The following PAK3 variants were observed in gnomAD, a reference collection of about 807,000 sequenced individuals.
PAK3 encodes the protein p21 (RAC1) activated kinase 3.
A neutral mutation model predicts 41.0 loss-of-function variants in PAK3; 4 were observed. The ratio of observed to expected loss-of-function variants is 0.10; its 90% confidence interval spans 0.05 to 0.22. The LOEUF (loss-of-function observed/expected upper bound fraction) is 0.22. PAK3 is among the 10% of genes least tolerant of loss of function. The pLI is 1.00. For synonymous variants in PAK3, 146 were observed against 139.6 expected (o/e 1.05, Z -0.32); for missense variants, 205 against 409.9 (o/e 0.50, Z 4.32).
chrX:111,166,289 A>G (rs979152432), intron 10 of PAK3, among the ~76,000 whole-genome samples: 13 of 111,185 alleles, frequency 1.2e-4, no homozygotes, highest in African/African-American at 3.9e-4. Flanking sequence ...AACCTGTGAA[A>G]TGGAGATAAG....
chrX:111,170,445 C>T lies in PAK3; in HGVS notation c.767-2573C>T, dbSNP rs190808036. Among the ~76,000 whole-genome samples, 89 of 110,285 alleles carry T rather than the reference C, an allele frequency of 8.1e-4. 1 individual carries two copies. The highest frequency in any genetic ancestry group is 2.6e-3 in the African/African-American group (78 of 30,374). ...TTTTCTCAAGGTATACTATCTACTG[C>T]TGTTAGGTCTAAATTATGTTGTATA... On this transcript the variant is annotated intron_variant, in intron 10 of 17. Transcript: ENST00000372007.
chrX:111,113,340 T>C (rs951982298), intron 4 of PAK3, among the ~76,000 whole-genome samples: 3 of 111,726 alleles, frequency 2.7e-5, no homozygotes, highest in East Asian at 2.8e-4. Flanking sequence ...GAGATGTGTC[T>C]TTATTCTTCT....
chrX:111,034,806 T>A (rs2092376784), intron 1 of PAK3, among the ~76,000 whole-genome samples: 2 of 111,056 alleles, frequency 1.8e-5, no homozygotes, highest in African/African-American at 6.6e-5. Context: ...TCTCATCTTT[T>A]AATAGAAATG....
intron 16 of PAK3, among the ~76,000 whole-genome samples, chrX:111,204,572 G>A (rs1437603388): frequency 9.0e-6 from 1 of 111,528 alleles, no homozygotes; most frequent in Admixed American, 9.6e-5. Context: ...ATTTTACCAA[G>A]AAAGTTGGAG....
At chrX:111,028,694 A>G (rs1275863591) in intron 1 of PAK3, among the ~76,000 whole-genome samples, 1 of 112,116 alleles carries the variant, frequency 8.9e-6, no homozygotes, top group Non-Finnish European at 1.9e-5. Flanking sequence ...ACACTTAGTA[A>G]GCACTTGCTG....
chrX:111,156,710 C>G (rs1404081131), intron 8 of PAK3, among the ~76,000 whole-genome samples: 1 of 111,536 alleles, frequency 9.0e-6, no homozygotes, highest in Non-Finnish European at 1.9e-5. Flanking sequence ...GTTGCATTCT[C>G]TAAGTGTTTT....
chrX:111,143,288 A>T (rs1417829975), intron 6 of PAK3, among the ~76,000 whole-genome samples: 1 of 111,535 alleles, frequency 9.0e-6, no homozygotes, highest in Non-Finnish European at 1.9e-5. Context: ...GGAACAAATT[A>T]ATCTATGTGG....
intron 7 of PAK3, among the ~76,000 whole-genome samples, chrX:111,149,254 A>C (rs1323885994): frequency 8.9e-6 from 1 of 111,755 alleles, no homozygotes; most frequent in Non-Finnish European, 1.9e-5. Context: ...TGCAGGGTCC[A>C]GCCTCCCTCC....
intron 1 of PAK3, among the ~76,000 whole-genome samples, chrX:111,006,849 C>CTTTCTTTCTTTCTTTCTTTTT (rs1556434441): frequency 7.0e-5 from 3 of 42,723 alleles, no homozygotes; most frequent in Non-Finnish European, 1.3e-4. Context: ...TTCTTTCTTT[C>CTTTCTTTCTTTCTTTCTTTTT]TTTTTTTTTT....
At chrX:111,006,812 C>CCTTCCTTTCTTTCTTT (rs2091931941) in intron 1 of PAK3, among the ~76,000 whole-genome samples, 1 of 54,994 alleles carries the variant, frequency 1.8e-5, no homozygotes, top group Non-Finnish European at 3.6e-5. Context: ...TCTGCATTTC[C>CCTTCCTTTCTTTCTTT]CTTTCTTTCT....
chrX:111,035,371 A>G (rs1396426496), intron 1 of PAK3, among the ~76,000 whole-genome samples: 4 of 111,535 alleles, frequency 3.6e-5, no homozygotes, highest in Non-Finnish European at 7.5e-5. Context: ...TCTAAGCCTC[A>G]GTTTGTTCAC....
At chrX:111,042,214 C>A (rs766742282) in intron 1 of PAK3, among the ~76,000 whole-genome samples, 15 of 111,600 alleles carry the variant, frequency 1.3e-4, no homozygotes, top group Non-Finnish European at 2.3e-4. Context: ...CCTCCATTGC[C>A]ACTTCCACTC....
At chrX:111,160,152 T>C (rs1468571905) in intron 8 of PAK3, among the ~76,000 whole-genome samples, 2 of 111,446 alleles carry the variant, frequency 1.8e-5, no homozygotes, top group African/African-American at 3.3e-5. Flanking sequence ...ACAAAATAAA[T>C]ACACAAAAAC....
intron 1 of PAK3, among the ~76,000 whole-genome samples, chrX:111,008,744 A>G (rs1338121477): frequency 8.9e-6 from 1 of 112,483 alleles, no homozygotes; most frequent in African/African-American, 3.2e-5. Context: ...TGCAAGGATT[A>G]AAGCTGGGTA....
chrX:111,164,675 C>T (rs944196619), intron 10 of PAK3, among the ~76,000 whole-genome samples: 6 of 111,533 alleles, frequency 5.4e-5, no homozygotes, highest in African/African-American at 1.6e-4. Context: ...ACAGCAAATG[C>T]TTGTTGAGTG....
chrX:111,104,321 T>TA (rs201744637), intron 4 of PAK3, among the ~76,000 whole-genome samples: 2,026 of 98,742 alleles, frequency 0.021, 26 homozygotes, highest in African/African-American at 0.047. Flanking sequence ...CCAACAAAAT[T>TA]AAAAAAAAAA....
At chrX:111,057,853 C>G (rs180946206) in intron 1 of PAK3, among the ~76,000 whole-genome samples, 1 of 111,811 alleles carries the variant, frequency 8.9e-6, no homozygotes, top group East Asian at 2.8e-4. Flanking sequence ...TACTCCTGGT[C>G]ACCAGCAACC....
intron 11 of PAK3, among the ~76,000 whole-genome samples, chrX:111,184,327 A>G (rs1023756396): frequency 9.0e-6 from 1 of 111,242 alleles, no homozygotes; most frequent in African/African-American, 3.3e-5. Context: ...CTGGAGAATT[A>G]GGAATTTTAA....
At position 111,076,723 on chromosome X, in the gene PAK3, G is replaced by A. The variant is rs767099324; in HGVS notation, c.-27-46354G>A. Among the ~76,000 whole-genome samples the A allele has an allele frequency of 5.3e-5, 6 of 112,196 alleles. No individual in the cohort carries two copies. In the East Asian group the frequency reaches 1.7e-3, roughly 31 times the overall value. ...AAACCCATAGCTAACATCATACTTA[G>A]CAGTGAAAAGTTGAAAGCTCTTTGT... is the stretch of plus-strand genomic sequence containing the variant. On this transcript the variant is annotated intron_variant, in intron 1 of 14. Coordinates refer to the PAK3 transcript ENST00000425146.
Sources: gnomAD v4.1 joint callset for allele counts (sites outside exome capture counted in the v4.1 genomes callset) on GRCh38, gnomAD v4.1.1 for gene constraint, MANE v1.5 for transcripts, NCBI Gene and HGNC (gene_info 2026-07-23, HGNC 2026-07-21) for gene names.